The following RIMS1 variants were observed in gnomAD, a reference collection of about 807,000 sequenced individuals.
The protein encoded by RIMS1 is regulating synaptic membrane exocytosis 1.
A neutral mutation model predicts 214.1 loss-of-function variants in RIMS1; 83 were observed. The observed-to-expected ratio is 0.39, with a 90% CI of 0.32 to 0.47. The LOEUF (loss-of-function observed/expected upper bound fraction) is 0.47, where lower values mean the gene tolerates loss of function less well. RIMS1 is among the 20% of genes least tolerant of loss of function. The pLI, the probability that RIMS1 is intolerant of heterozygous loss-of-function variation, is 0.99. For missense variants in RIMS1, 2,050 were observed against 2,161.8 expected, an observed-to-expected ratio of 0.95 and a Z score of 1.03; for synonymous variants, 793 against 786.8, an observed-to-expected ratio of 1.01 and a Z score of -0.13.
chr6:72,162,464 T>C (rs1298990617), intron 4 of RIMS1, among the ~76,000 whole-genome samples: 6 of 140,934 alleles, frequency 4.3e-5, no homozygotes, highest in African/African-American at 1.5e-4. Flanking sequence ...TGTTAGTTGA[T>C]GCAGTTTCTT....
intron 28 of RIMS1, among the ~76,000 whole-genome samples, chr6:72,317,938 T>G (rs890588655): frequency 1.3e-5 from 2 of 152,198 alleles, no homozygotes; most frequent in African/African-American, 4.8e-5. Flanking sequence ...AATTATTTTG[T>G]CTTTCTGGCG....
chr6:72,297,918 T>A (rs1431488755), intron 26 of RIMS1, among the ~76,000 whole-genome samples: 1 of 152,034 alleles, frequency 6.6e-6, no homozygotes, highest in Non-Finnish European at 1.5e-5. Flanking sequence ...AAGTTTGTCT[T>A]TGCTGGGATC....
chr6:72,234,692 C>G (rs1183231450), intron 7 of RIMS1, among the ~76,000 whole-genome samples: 3 of 151,948 alleles, frequency 2.0e-5, no homozygotes, highest in African/African-American at 7.2e-5. Context: ...TTTCACTGAT[C>G]TAAAAATCCC....
At chr6:72,123,200 T>A (rs1426336318) in intron 4 of RIMS1, among the ~76,000 whole-genome samples, 3 of 151,904 alleles carry the variant, frequency 2.0e-5, no homozygotes, top group Non-Finnish European at 4.4e-5. Flanking sequence ...TCAAAGAACA[T>A]CTTTATTTCT....
At chr6:71,929,720 C>T (rs1008759986) in intron 1 of RIMS1, among the ~76,000 whole-genome samples, 2 of 150,912 alleles carry the variant, frequency 1.3e-5, no homozygotes, top group South Asian at 4.2e-4. Flanking sequence ...TATAAAAAAA[C>T]ATTTTTCTAA....
chr6:72,266,753 G>T (rs145053759), intron 22 of RIMS1, among the ~76,000 whole-genome samples: 1 of 151,992 alleles, frequency 6.6e-6, no homozygotes, highest in South Asian at 2.1e-4. Flanking sequence ...CACTGTGATG[G>T]AACTCTTTTA....
At chr6:71,907,595 A>C (rs918888943) in intron 1 of RIMS1, among the ~76,000 whole-genome samples, 8 of 152,302 alleles carry the variant, frequency 5.3e-5, no homozygotes, top group Non-Finnish European at 1.0e-4. Context: ...TATTTTAAAA[A>C]TACAGACATC....
At chr6:71,962,448 A>C (rs1450691488) in intron 1 of RIMS1, among the ~76,000 whole-genome samples, 1 of 152,098 alleles carries the variant, frequency 6.6e-6, no homozygotes. Flanking sequence ...TGCCTTTTGA[A>C]AGTAAAAATT....
intron 1 of RIMS1, among the ~76,000 whole-genome samples, chr6:71,928,616 T>C (rs1369741867): frequency 1.3e-5 from 2 of 152,156 alleles, no homozygotes; most frequent in African/African-American, 2.4e-5. Context: ...CTATATATTC[T>C]TTACTAATCT....
At chr6:72,044,791 G>A (rs1474996600) in intron 2 of RIMS1, among the ~76,000 whole-genome samples, 1 of 151,866 alleles carries the variant, frequency 6.6e-6, no homozygotes, top group Admixed American at 6.6e-5. Context: ...TTGGAAAGCA[G>A]TTTGGCAATT....
intron 28 of RIMS1, among the ~76,000 whole-genome samples, chr6:72,315,393 A>C (rs1233190645): frequency 6.6e-6 from 1 of 152,176 alleles, no homozygotes; most frequent in Non-Finnish European, 1.5e-5. Context: ...TTTGTAGTTT[A>C]AAACCCATAT....
intron 1 of RIMS1, among the ~76,000 whole-genome samples, chr6:71,903,921 TAC>T (rs1186241382): frequency 6.6e-6 from 1 of 152,192 alleles, no homozygotes; most frequent in African/African-American, 2.4e-5. Flanking sequence ...TATATGCATG[TAC>T]ATATACACAA....
rs1230429353 is a variant in RIMS1, at chr6:72,290,404, C to CAAAAA, written c.3555-272_3555-271insAAAAA. Among the ~76,000 whole-genome samples, 6 of 151,806 alleles carry CAAAAA rather than the reference C, an allele frequency of 4.0e-5. 1 individual carries two copies. Among genetic ancestry groups the CAAAAA allele is most frequent in the Non-Finnish European group, 8.8e-5 (6 of 67,924 alleles). On this transcript the variant is annotated intron_variant, in intron 24 of 33. Coordinates refer to ENST00000521978, the MANE Select transcript of RIMS1 (RefSeq NM_014989.7). ...TAAAACAAAACAAAACAAAACAAAA[C>CAAAAA]AAACAGACAGGAGTCTCTGCTGTTG...
chr6:72,231,265 A>ACTAAAAT, intron 6 of RIMS1, among the ~76,000 whole-genome samples: 1 of 151,804 alleles, frequency 6.6e-6, no homozygotes, highest in Middle Eastern at 3.4e-3. Flanking sequence ...GTAGTTTACA[A>ACTAAAAT]CTAAGTATTT....
chr6:72,134,433 T>C (rs1234024712), intron 4 of RIMS1, among the ~76,000 whole-genome samples: 1 of 151,816 alleles, frequency 6.6e-6, no homozygotes, highest in Non-Finnish European at 1.5e-5. Context: ...AATTTCAGAT[T>C]TTAATACACT....
rs530407518 is a variant in RIMS1 at position 72,179,634 on chromosome 6, A to C, written c.531A>C (p.Ala177=). ...AAGAAATCTTAACCAAATCTGGGGC[A>C]TGGTTCTTTGGAAGTGGCCCTCAGC... ...KQQEILTKSG[A]WFFGSGPQQT... Residue 177 remains alanine, a synonymous_variant, in exon 5 of 34, where the codon GCA becomes GCC. Transcript: ENST00000521978. 5.0e-6 allele frequency: 8 copies of C among 1,613,736 alleles called. No homozygotes were observed. Among genetic ancestry groups the C allele is most frequent in the Non-Finnish European group, 6.8e-6 (8 of 1,179,850 alleles).
chr6:72,142,543 A>G (rs2042204059), intron 4 of RIMS1, among the ~76,000 whole-genome samples: 1 of 152,060 alleles, frequency 6.6e-6, no homozygotes, highest in South Asian at 2.1e-4. Context: ...ATCATCAATA[A>G]AAGATAGCTC....
At chr6:72,011,423 G>A (rs150601030) in intron 2 of RIMS1, among the ~76,000 whole-genome samples, 24 of 152,240 alleles carry the variant, frequency 1.6e-4, no homozygotes, top group African/African-American at 5.8e-4. Flanking sequence ...GCATGAGCAA[G>A]GACATCATGT....
chr6:72,392,835 A>G (rs2098721400), intron 31 of RIMS1, 25 bp downstream of exon 31: 1 of 1,464,388 alleles, frequency 6.8e-7, no homozygotes, highest in South Asian at 1.2e-5. Flanking sequence ...TTTTTTCTAC[A>G]AGAAAATTGA....
Sources: allele counts gnomAD v4.1 joint callset (sites outside exome capture counted in the v4.1 genomes callset), GRCh38; gene constraint gnomAD v4.1.1; transcripts MANE v1.5; gene names NCBI Gene and HGNC (gene_info 2026-07-23, HGNC 2026-07-21).